PRKG2: variants seen among roughly 807,000 people sequenced by gnomAD.
The protein encoded by PRKG2 is protein kinase cGMP-dependent 2.
Under a neutral mutation model 97.2 loss-of-function variants are expected in PRKG2, and 33 were observed. The ratio of observed to expected loss-of-function variants is 0.34; its 90% CI spans 0.26 to 0.45. The LOEUF is 0.45. Ranked by LOEUF, PRKG2 falls within the 20% of genes least tolerant of loss-of-function variation. The pLI is 1.00. For missense variants in PRKG2, 638 were observed against 900.0 expected (o/e 0.71, Z 3.73); for synonymous variants, 330 against 321.8 (o/e 1.03, Z -0.27).
At chr4:81,174,470 C>T (rs1335753514) in intron 3 of PRKG2, among the ~76,000 whole-genome samples, 2 of 151,814 alleles carry the variant, frequency 1.3e-5, no homozygotes, top group Admixed American at 6.6e-5. Flanking sequence ...GTGGCGTTAC[C>T]CTCTCTGAGA....
chr4:81,174,763 T>C, intron 3 of PRKG2, 30 bp downstream of exon 3: 1 of 1,574,088 alleles, frequency 6.4e-7, no homozygotes, highest in Non-Finnish European at 8.6e-7. Flanking sequence ...AAATATTTAT[T>C]ATATATCTGG....
At chr4:81,211,495 T>C (rs1274475924) in intron 1 of PRKG2, among the ~76,000 whole-genome samples, 4 of 152,062 alleles carry the variant, frequency 2.6e-5, no homozygotes, top group Non-Finnish European at 5.9e-5. Context: ...TACTGAAAAA[T>C]TTCCTACGCC....
intron 14 of PRKG2, among the ~76,000 whole-genome samples, chr4:81,130,824 G>GC (rs773975525): frequency 3.3e-5 from 5 of 152,114 alleles, no homozygotes; most frequent in Non-Finnish European, 7.4e-5. Flanking sequence ...AATAGTTGAT[G>GC]CCCCTCCCCC....
In PRKG2 at chr4:81,169,742, G is replaced by T. The variant is rs1458284600; in HGVS notation, c.769C>A (p.Leu257Ile). The T allele has an allele frequency of 1.9e-6, 3 of 1,608,084 alleles. No homozygotes were observed. Among genetic ancestry groups the T allele is most frequent in the Non-Finnish European group, 2.5e-6 (3 of 1,177,014 alleles). The change falls in exon 5 of 19, where the codon CTA (leucine) becomes ATA (isoleucine). Residue 257 changes from leucine (L) to isoleucine (I), a missense_variant. Physicochemically the swap from Leu to Ile is conservative, Grantham distance 5. Transcript: ENST00000264399. ...KAITNVKTWA[L>I]DREVFQNIMR... ...ATATTCTGGAATACCTCTCGATCTAGTGCCCATGTTTTAACATTGGTAATA... is the reference window on the plus strand; with the variant it reads ...ATATTCTGGAATACCTCTCGATCTATTGCCCATGTTTTAACATTGGTAATA...
At chr4:81,119,746 C>T (rs1017746854) in intron 14 of PRKG2, among the ~76,000 whole-genome samples, 1 of 149,370 alleles carries the variant, frequency 6.7e-6, no homozygotes, top group Non-Finnish European at 1.5e-5. Flanking sequence ...GAGATCTCGG[C>T]TCACTGCAAG....
chr4:81,131,100 AG>A (rs1192477583), intron 14 of PRKG2, among the ~76,000 whole-genome samples: 1 of 152,116 alleles, frequency 6.6e-6, no homozygotes, highest in African/African-American at 2.4e-5. Flanking sequence ...TTTGAAACCC[AG>A]GGCCCTGATG....
chr4:81,200,843 A>G (rs1287516622), intron 2 of PRKG2, among the ~76,000 whole-genome samples: 2 of 152,204 alleles, frequency 1.3e-5, no homozygotes, highest in Non-Finnish European at 2.9e-5. Flanking sequence ...TAATACTTCA[A>G]TAAAGCTGAG....
intron 17 of PRKG2, among the ~76,000 whole-genome samples, chr4:81,093,360 A>AACAC (rs60004845): frequency 0.043 from 5,047 of 116,306 alleles, 119 homozygotes; most frequent in South Asian, 0.081. Flanking sequence ...CTCCCCCACC[A>AACAC]ACACACACAC....
At chr4:81,154,206 A>C (rs1471078694) in intron 6 of PRKG2, 1 of 164,882 alleles carries the variant, frequency 6.1e-6, no homozygotes, top group Non-Finnish European at 1.3e-5. Context: ...GGCGCCCGCC[A>C]TTGCCCAGGC....
At chr4:81,209,387 C>CAT (rs1753849921) in intron 1 of PRKG2, among the ~76,000 whole-genome samples, 2 of 152,052 alleles carry the variant, frequency 1.3e-5, no homozygotes, top group Non-Finnish European at 2.9e-5. Context: ...CACACACACA[C>CAT]ATATATAGAT....
At chr4:81,122,984 G>C (rs534109470) in intron 14 of PRKG2, among the ~76,000 whole-genome samples, 3 of 152,270 alleles carry the variant, frequency 2.0e-5, no homozygotes, top group African/African-American at 7.2e-5. Context: ...TTTGCTACTT[G>C]ATGAAACTTG....
chr4:81,094,648 G>A (rs748992030), intron 17 of PRKG2, among the ~76,000 whole-genome samples: 3 of 152,068 alleles, frequency 2.0e-5, no homozygotes, highest in Non-Finnish European at 4.4e-5. Flanking sequence ...GGGAAGGGCT[G>A]CTTATAGCTA....
chr4:81,121,783 A>G (rs973478009), intron 14 of PRKG2, among the ~76,000 whole-genome samples: 4 of 152,118 alleles, frequency 2.6e-5, no homozygotes, highest in Non-Finnish European at 5.9e-5. Context: ...ATCTTTTCAA[A>G]TAACTTTTGG....
At chr4:81,117,338 T>C (rs956396321) in intron 14 of PRKG2, among the ~76,000 whole-genome samples, 18 of 152,018 alleles carry the variant, frequency 1.2e-4, no homozygotes, top group Admixed American at 3.3e-4. Flanking sequence ...CTGGAAGGTT[T>C]TATTGTTCAC....
In PRKG2 at chr4:81,135,164, G is replaced by T; in HGVS notation, c.1767C>A (p.Tyr589Ter). 1 of 1,603,732 alleles carries T rather than the reference G, an allele frequency of 6.2e-7. No individual in the cohort carries two copies. ...AGAAAAGTTGTCTTACCAATTTAAG[G>T]TAACCCTCAGCATCTAGAATTAAGT... ...PENLILDAEGYLKLVDFGFAK... is the reference protein window; with the variant it reads ...PENLILDAEG Residue 589 changes from tyrosine (Y) to a stop codon, truncating the protein, a stop_gained, in exon 14 of 19, where the codon TAC becomes TAA. Transcript: ENST00000264399. LOFTEE classifies it high-confidence loss of function.
chr4:81,171,155 C>T (rs939932281), intron 4 of PRKG2, among the ~76,000 whole-genome samples: 1 of 151,932 alleles, frequency 6.6e-6, no homozygotes, highest in Non-Finnish European at 1.5e-5. Context: ...TATCCTGATG[C>T]TCTCCCTCCC....
At chr4:81,110,175 T>A (rs995433055) in intron 15 of PRKG2, among the ~76,000 whole-genome samples, 1 of 152,182 alleles carries the variant, frequency 6.6e-6, no homozygotes, top group African/African-American at 2.4e-5. Flanking sequence ...AAAGCCTTCA[T>A]ACTTAATTTG....
chr4:81,189,095 A>C (rs1368298798), intron 2 of PRKG2, among the ~76,000 whole-genome samples: 1 of 113,350 alleles, frequency 8.8e-6, no homozygotes, highest in Non-Finnish European at 1.6e-5. Flanking sequence ...AAAAAAAAGA[A>C]GCTAGCAATT....
chr4:81,089,504 A>C lies in PRKG2; in HGVS notation c.*204T>G, dbSNP rs1340707091. 2 of 444,692 alleles carry C rather than the reference A, an allele frequency of 4.5e-6. No homozygotes were observed. Among genetic ancestry groups the C allele is most frequent in the Admixed American group, 4.0e-5 (1 of 24,844 alleles). 27.5% of individuals were successfully genotyped at this position (444,692 alleles called of 1,614,324 possible). The stretch of plus-strand genomic sequence containing the variant: ...TTGAGAAAAGCAAATAATGTAATAC[A>C]TCAATAATTCACAGCATCTAAATAA... On this transcript the variant is annotated 3_prime_UTR_variant, in exon 19 of 19. Transcript: ENST00000264399.
Sources: gnomAD v4.1 joint callset for allele counts (sites outside exome capture counted in the v4.1 genomes callset) on GRCh38, gnomAD v4.1.1 for gene constraint, MANE v1.5 for transcripts, NCBI Gene and HGNC (gene_info 2026-07-23, HGNC 2026-07-21) for gene names.